The following CXCR2 variants were observed in gnomAD, a reference collection of about 807,000 sequenced individuals.
The protein encoded by CXCR2 is C-X-C motif chemokine receptor 2.
In CXCR2, 2 loss-of-function variants were observed where a neutral mutation model predicts 3.7. That is an observed-to-expected ratio of 0.55 (90% CI 0.22 to 1.72). The LOEUF (loss-of-function observed/expected upper bound fraction) is 1.72, where lower values mean the gene tolerates loss of function less well. Among genes scored for constraint, CXCR2 ranks in the 40% most tolerant of loss-of-function variants. The probability of loss-of-function intolerance (pLI) is 0.19; values close to 1 mark genes in which losing one functional copy is unlikely to be tolerated. For missense variants in CXCR2, 351 were observed against 450.1 expected, an observed-to-expected ratio of 0.78 and a Z score of 1.99; for synonymous variants, 203 against 193.3, an observed-to-expected ratio of 1.05 and a Z score of -0.41.
intron 2 of CXCR2, among the ~76,000 whole-genome samples, chr2:218,132,573 A>G (rs1690674143): frequency 6.6e-6 from 1 of 152,240 alleles, no homozygotes; most frequent in Non-Finnish European, 1.5e-5. Flanking sequence ...CACATGGGCT[A>G]TATGGTAGAG....
chr2:218,134,889 C>A lies in CXCR2; in HGVS notation c.88C>A (p.Pro30Thr). ...LSNYSYSSTLPPFLLDAAPCE... is the reference protein window; with the variant it reads ...LSNYSYSSTLTPFLLDAAPCE... ...TAATTACAGTTACAGCTCTACCCTG[C>A]CCCCTTTTCTACTAGATGCCGCCCC... The change falls in exon 3 of 3, where the codon CCC (proline) becomes ACC (threonine). Residue 30 changes from proline (P) to threonine (T), a missense_variant. Coordinates refer to ENST00000318507, the MANE Select transcript of CXCR2 (RefSeq NM_001557.4). 6.2e-7 allele frequency: 1 copy of A among 1,614,144 alleles called. No homozygotes were observed. The highest frequency in any genetic ancestry group is 8.5e-7 in the Non-Finnish European group (1 of 1,180,008).
chr2:218,135,262 C>T lies in CXCR2; in HGVS notation c.461C>T (p.Thr154Ile), dbSNP rs766059153. The T allele has an allele frequency of 2.5e-5, 40 of 1,614,106 alleles. No homozygotes were observed. Among genetic ancestry groups the T allele is most frequent in the South Asian group, 3.3e-5 (3 of 91,090 alleles). Residue 154 changes from threonine to isoleucine, a missense_variant, in exon 3 of 3, where the codon ACA becomes ATA. Transcript: ENST00000318507. The surrounding 1 kb of genome is among the most constrained non-coding windows in gnomAD (Gnocchi z 4.0). Reference sequence around the variant, plus strand: ...CTGGCCATTGTCCATGCCACACGCACACTGACCCAGAAGCGCTACTTGGTC... The same window carrying T: ...CTGGCCATTGTCCATGCCACACGCATACTGACCCAGAAGCGCTACTTGGTC... ...RYLAIVHATR[T>I]LTQKRYLVKF...
chr2:218,129,686 C>G (rs1690595716), intron 2 of CXCR2, among the ~76,000 whole-genome samples: 1 of 149,162 alleles, frequency 6.7e-6, no homozygotes, highest in Non-Finnish European at 1.5e-5. Flanking sequence ...GGGCCGAACA[C>G]TGTTCGCTTC....
Position 218,135,663 on chromosome 2 carries a change from C to T in CXCR2, c.862C>T (p.Arg288Cys), listed in dbSNP as rs764203501. 1.3e-5 allele frequency: 21 copies of T among 1,613,950 alleles called. No individual in the cohort carries two copies. Among genetic ancestry groups the T allele is most frequent in the African/African-American group, 2.7e-5 (2 of 74,906 alleles). Reference protein sequence around the residue: ...RTQVIQETCERRNHIDRALDA... With the variant: ...RTQVIQETCECRNHIDRALDA... ...CCAGGTGATCCAGGAGACCTGTGAG[C>T]GCCGCAATCACATCGACCGGGCTCT... The change falls in exon 3 of 3, where the codon CGC becomes TGC. Residue 288 changes from arginine (R) to cysteine (C), a missense_variant. Coordinates refer to ENST00000318507, the MANE Select transcript of CXCR2 (RefSeq NM_001557.4). This position sits in a 1 kb window ranked among gnomAD's most constrained non-coding sequence, Gnocchi z 4.0.
At chr2:218,133,128 T>G (rs1471259654) in intron 2 of CXCR2, among the ~76,000 whole-genome samples, 1 of 152,066 alleles carries the variant, frequency 6.6e-6, no homozygotes, top group African/African-American at 2.4e-5. Flanking sequence ...TCTCTCACAC[T>G]GGGTTCCATT....
intron 2 of CXCR2, among the ~76,000 whole-genome samples, chr2:218,130,345 G>A (rs1388476302): frequency 2.0e-5 from 3 of 152,162 alleles, no homozygotes; most frequent in African/African-American, 2.4e-5. Context: ...ACTTGAACCC[G>A]GGAGGTGGAG....
intron 1 of CXCR2, among the ~76,000 whole-genome samples, chr2:218,127,384 C>A (rs528975889): frequency 6.2e-4 from 94 of 152,302 alleles, no homozygotes; most frequent in African/African-American, 1.8e-3. Context: ...ACCTCAGCCT[C>A]CCAAAGTGCT....
rs201271219 is a variant in CXCR2, at chr2:218,135,714, C to A, written c.913C>A (p.Leu305Ile). 2 of 1,614,030 alleles carry A rather than the reference C, an allele frequency of 1.2e-6. No individual in the cohort carries two copies. The highest frequency in any genetic ancestry group is 1.7e-6 in the Non-Finnish European group (2 of 1,180,024). Reference protein sequence around the residue: ...ALDATEILGILHSCLNPLIYA... With the variant: ...ALDATEILGIIHSCLNPLIYA... The stretch of plus-strand genomic sequence containing the variant: ...GGATGCCACCGAGATTCTGGGCATC[C>A]TTCACAGCTGCCTCAACCCCCTCAT... Residue 305 changes from leucine (L) to isoleucine (I), a missense_variant, in exon 3 of 3, where the codon CTT (leucine) becomes ATT (isoleucine). Coordinates refer to ENST00000318507, the MANE Select transcript of CXCR2 (RefSeq NM_001557.4). This position sits in a 1 kb window ranked among gnomAD's most constrained non-coding sequence, Gnocchi z 4.0.
At chr2:218,129,978 G>A (rs926591902) in intron 2 of CXCR2, among the ~76,000 whole-genome samples, 4 of 152,098 alleles carry the variant, frequency 2.6e-5, no homozygotes, top group African/African-American at 7.2e-5. Flanking sequence ...GTGGTCAGCC[G>A]GACCCAGCCA....
At chr2:218,128,137 A>G (rs1331610424) in intron 1 of CXCR2, among the ~76,000 whole-genome samples, 1 of 152,244 alleles carries the variant, frequency 6.6e-6, no homozygotes, top group African/African-American at 2.4e-5. Flanking sequence ...ACAGATGAGT[A>G]AACTGAGACT....
intron 1 of CXCR2, among the ~76,000 whole-genome samples, chr2:218,127,275 C>T (rs1376940374): frequency 1.3e-5 from 2 of 152,096 alleles, no homozygotes; most frequent in Non-Finnish European, 1.5e-5. Context: ...TACAGGCGTG[C>T]GCTGCCACGC....
At chr2:218,127,373 C>G (rs1486790623) in intron 1 of CXCR2, among the ~76,000 whole-genome samples, 1 of 152,176 alleles carries the variant, frequency 6.6e-6, no homozygotes, top group African/African-American at 2.4e-5. Flanking sequence ...GTGATCCACT[C>G]ACCTCAGCCT....
chr2:218,134,906 TGCC>T lies in CXCR2; in HGVS notation c.109_111del (p.Ala37del). 1 of 1,614,194 alleles carries T rather than the reference TGCC, an allele frequency of 6.2e-7. No individual in the cohort carries two copies. Among genetic ancestry groups the T allele is most frequent in the Non-Finnish European group, 8.5e-7 (1 of 1,180,032 alleles). ...CTACCCTGCCCCCTTTTCTACTAGA[TGCC>T]GCCCCATGTGAACCAGAATCCCTGG... On this transcript the variant is annotated inframe_deletion, in exon 3 of 3. Coordinates refer to ENST00000318507, the MANE Select transcript of CXCR2 (RefSeq NM_001557.4).
intron 1 of CXCR2, among the ~76,000 whole-genome samples, chr2:218,127,880 G>GGTCAAAGTAAATTAGATGTC: frequency 6.6e-6 from 1 of 152,154 alleles, no homozygotes; most frequent in African/African-American, 2.4e-5. Flanking sequence ...TTAATATCCA[G>GGTCAAAGTAAATTAGATGTC]GTCAAAGTAA....
At chr2:218,134,597 T>G (rs2106107333) in intron 2 of CXCR2, among the ~76,000 whole-genome samples, 180 bp from the exon 3 acceptor site, 1 of 152,344 alleles carries the variant, frequency 6.6e-6, no homozygotes, top group East Asian at 1.9e-4. Flanking sequence ...TCTCATAAAA[T>G]GTACCATTTA....
intron 2 of CXCR2, among the ~76,000 whole-genome samples, chr2:218,133,667 G>A (rs536946677): frequency 3.3e-5 from 5 of 152,346 alleles, no homozygotes; most frequent in Admixed American, 2.6e-4. Flanking sequence ...TGCTGTCCCT[G>A]TGGCAAGGGC....
intron 1 of CXCR2, among the ~76,000 whole-genome samples, chr2:218,128,019 A>G (rs996099183): frequency 2.0e-5 from 3 of 152,228 alleles, no homozygotes; most frequent in African/African-American, 4.8e-5. Context: ...GATCACAACA[A>G]TAAAGGTTAA....
In CXCR2 at chr2:218,136,095, G is replaced by A. The variant is rs1690797713; in HGVS notation, c.*211G>A. 5.0e-6 allele frequency: 3 copies of A among 596,056 alleles called. No homozygotes were observed. Among genetic ancestry groups the A allele is most frequent in the African/African-American group, 3.7e-5 (2 of 53,868 alleles). The allele number at this position is 596,056 out of a possible 1,614,324, so 36.9% of individuals were successfully genotyped here. On this transcript the variant is annotated 3_prime_UTR_variant, in exon 3 of 3. Coordinates refer to ENST00000318507, the MANE Select transcript of CXCR2 (RefSeq NM_001557.4). ...CCTCACCCCTTGCCATAATTACTAT[G>A]TCATTTGCTGGAGCTCTGCCCATCC...
At chr2:218,129,706 G>A (rs181132403) in intron 2 of CXCR2, among the ~76,000 whole-genome samples, 6 of 99,204 alleles carry the variant, frequency 6.0e-5, no homozygotes, top group South Asian at 6.4e-4. Flanking sequence ...CCCACTTCCC[G>A]ACACTAAATG....
Sources: allele counts gnomAD v4.1 joint callset (sites outside exome capture counted in the v4.1 genomes callset), GRCh38; gene constraint gnomAD v4.1.1; non-coding constraint Gnocchi (gnomAD v3.1); transcripts MANE v1.5; gene names NCBI Gene and HGNC (gene_info 2026-07-23, HGNC 2026-07-21).